The following MCOLN2 variants were observed in gnomAD, a reference collection of about 807,000 sequenced individuals.
MCOLN2 encodes the protein mucolipin-2.
A neutral mutation model predicts 67.5 loss-of-function variants in MCOLN2; 57 were observed. The ratio of observed to expected loss-of-function variants is 0.84; its 90% CI spans 0.68 to 1.05. The LOEUF (loss-of-function observed/expected upper bound fraction) is 1.05. MCOLN2 is among the 50% of genes least tolerant of loss of function. MCOLN2 has a pLI of 0.00. For synonymous variants in MCOLN2, 246 were observed against 233.3 expected, an observed-to-expected ratio of 1.05 and a Z score of -0.50; for missense variants, 620 against 678.8, an observed-to-expected ratio of 0.91 and a Z score of 0.96.
intron 1 of MCOLN2, among the ~76,000 whole-genome samples, chr1:84,972,394 A>C (rs1187677539): frequency 2.0e-5 from 3 of 152,242 alleles, no homozygotes; most frequent in Non-Finnish European, 4.4e-5. Flanking sequence ...TAATGGCAGC[A>C]CTAAAGAACA....
intron 6 of MCOLN2, 75 bp from the exon 7 acceptor site, chr1:84,947,207 A>G (rs1648162639): frequency 1.3e-6 from 1 of 798,004 alleles, no homozygotes; most frequent in Admixed American, 1.9e-5. Context: ...TGCTTAAAAA[A>G]AAAATCACTG....
chr1:84,932,275 A>T (rs897325670), intron 11 of MCOLN2, among the ~76,000 whole-genome samples: 1 of 152,114 alleles, frequency 6.6e-6, no homozygotes, highest in Non-Finnish European at 1.5e-5. Context: ...AGTGCAGTGC[A>T]ATCCCAGCTC....
chr1:84,941,244 C>T (rs541010216), intron 7 of MCOLN2, among the ~76,000 whole-genome samples: 1 of 152,244 alleles, frequency 6.6e-6, no homozygotes, highest in East Asian at 1.9e-4. Context: ...CGCCTGTAAT[C>T]CCAGCACTTT....
At chr1:84,974,144 G>A (rs1370771019) in intron 1 of MCOLN2, among the ~76,000 whole-genome samples, 3 of 152,178 alleles carry the variant, frequency 2.0e-5, no homozygotes, top group Non-Finnish European at 4.4e-5. Context: ...GTTGGAACTT[G>A]AGTTCCCACA....
chr1:84,936,005 G>C (rs1647406040), intron 11 of MCOLN2, among the ~76,000 whole-genome samples: 1 of 152,174 alleles, frequency 6.6e-6, no homozygotes, highest in African/African-American at 2.4e-5. Context: ...TACAGGGTAT[G>C]GGTCAAAGCA....
chr1:84,976,857 C>T (rs1571026054), intron 1 of MCOLN2, among the ~76,000 whole-genome samples: 1 of 152,092 alleles, frequency 6.6e-6, no homozygotes, highest in African/African-American at 2.4e-5. Context: ...GTACTTCAAT[C>T]AGAAAGAAAA....
chr1:84,944,646 A>G (rs1647993417), intron 7 of MCOLN2, among the ~76,000 whole-genome samples: 1 of 152,218 alleles, frequency 6.6e-6, no homozygotes, highest in African/African-American at 2.4e-5. Flanking sequence ...AAATTCCTAT[A>G]TTTATGAAAC....
At chr1:84,926,902 ATAAG>A (rs1316017075) in intron 13 of MCOLN2, among the ~76,000 whole-genome samples, 181 bp from the exon 14 acceptor site, 2 of 152,204 alleles carry the variant, frequency 1.3e-5, no homozygotes, top group Admixed American at 6.5e-5. Flanking sequence ...TTCAGAAAAA[ATAAG>A]TAAATAAATA....
At chr1:84,961,326 A>G (rs1279891682) in intron 2 of MCOLN2, among the ~76,000 whole-genome samples, 4 of 152,320 alleles carry the variant, frequency 2.6e-5, no homozygotes, top group Middle Eastern at 3.4e-3. Flanking sequence ...TAGTGAAGCT[A>G]AAGAAATAAA....
intron 1 of MCOLN2, among the ~76,000 whole-genome samples, chr1:84,982,635 A>T (rs1310759874): frequency 1.3e-5 from 2 of 152,116 alleles, no homozygotes; most frequent in Non-Finnish European, 2.9e-5. Flanking sequence ...AGCTCCAACC[A>T]CCCCTTAGCT....
At chr1:84,962,696 A>G (rs1649153435) in intron 2 of MCOLN2, among the ~76,000 whole-genome samples, 1 of 152,208 alleles carries the variant, frequency 6.6e-6, no homozygotes, top group African/African-American at 2.4e-5. Context: ...CCGGACTTGG[A>G]CGAACAAACA....
At chr1:84,961,003 CT>C (rs1312046989) in intron 2 of MCOLN2, among the ~76,000 whole-genome samples, 1 of 152,220 alleles carries the variant, frequency 6.6e-6, no homozygotes, top group Non-Finnish European at 1.5e-5. Context: ...ACACTGGGCT[CT>C]GCAAGGACAG....
At chr1:84,968,412 C>T (rs770374628) in intron 1 of MCOLN2, among the ~76,000 whole-genome samples, 1 of 152,038 alleles carries the variant, frequency 6.6e-6, no homozygotes, top group Non-Finnish European at 1.5e-5. Flanking sequence ...TAAGACTTGG[C>T]ACTCTAATAA....
intron 13 of MCOLN2, among the ~76,000 whole-genome samples, chr1:84,928,416 C>T (rs933782721): frequency 6.6e-6 from 1 of 152,186 alleles, no homozygotes; most frequent in Non-Finnish European, 1.5e-5. Flanking sequence ...AAATCTTTCA[C>T]TTGTTCCATA....
At position 84,929,655 on chromosome 1, in the gene MCOLN2, C is replaced by T; in HGVS notation, c.1567G>A (p.Glu523Lys). The T allele has an allele frequency of 6.2e-7, 1 of 1,613,598 alleles. No homozygotes were observed. The highest frequency in any genetic ancestry group is 1.1e-5 in the South Asian group (1 of 91,038). Reference sequence around the variant, plus strand: ...TTCAGGAATTCCTGCAAATCCGTTTCAGGAAACCCATTCTGTTGGAATTTC... The same window carrying T: ...TTCAGGAATTCCTGCAAATCCGTTTTAGGAAACCCATTCTGTTGGAATTTC... The part of the protein sequence containing the change: ...IKKFQQNGFP[E>K]TDLQEFLKEC... The change falls in exon 13 of 14, where the codon GAA becomes AAA. Residue 523 changes from glutamate to lysine, a missense_variant. Coordinates refer to ENST00000370608, the MANE Select transcript of MCOLN2 (RefSeq NM_153259.4).
In MCOLN2 at chr1:84,988,501, T is replaced by G. The variant is rs550625165; in HGVS notation, c.77+8295A>C. On this transcript the variant is annotated intron_variant, in intron 1 of 13. Transcript: ENST00000370608. ...TAGCAAAGTATACTTTGCTCTAAAG[T>G]ATACTGCTCTAAAGTATACTTTGAG... Among the ~76,000 whole-genome samples the G allele has an allele frequency of 5.3e-5, 8 of 152,292 alleles. No individual in the cohort carries two copies. In the East Asian group the frequency reaches 1.5e-3, roughly 29 times the overall value.
At chr1:84,987,481 CATATATACATATGTATACATAGATGT>C (rs1650606363) in intron 1 of MCOLN2, among the ~76,000 whole-genome samples, 1 of 16,374 alleles carries the variant, frequency 6.1e-5, no homozygotes, top group African/African-American at 1.2e-4. Context: ...GATATATATA[CATATATACATATGTATACATAGATGT>C]ATACATATGT....
chr1:84,972,213 C>G (rs1290224398), intron 1 of MCOLN2, among the ~76,000 whole-genome samples: 1 of 152,104 alleles, frequency 6.6e-6, no homozygotes, highest in Non-Finnish European at 1.5e-5. Flanking sequence ...ACCGTAAAAC[C>G]ACTTAAGGAA....
At chr1:84,964,696 T>A (rs893549038) in intron 2 of MCOLN2, among the ~76,000 whole-genome samples, 2 of 152,138 alleles carry the variant, frequency 1.3e-5, no homozygotes, top group East Asian at 3.9e-4. Flanking sequence ...GAAGGTCCCA[T>A]CTAGGGGTGG....
Sources: allele counts gnomAD v4.1 joint callset (sites outside exome capture counted in the v4.1 genomes callset), GRCh38; gene constraint gnomAD v4.1.1; transcripts MANE v1.5; gene names NCBI Gene and HGNC (gene_info 2026-07-23, HGNC 2026-07-21).